OTOGL: variants seen among roughly 807,000 people sequenced by gnomAD.
OTOGL encodes otogelin like.
Under a neutral mutation model 318.5 loss-of-function variants are expected in OTOGL, and 285 were observed. The ratio of observed to expected loss-of-function variants is 0.89; its 90% confidence interval spans 0.81 to 0.99. The LOEUF is 0.99. Among genes scored for constraint, OTOGL ranks in the 50% least tolerant of loss-of-function variants. The probability of loss-of-function intolerance (pLI) is 0.00; values close to 1 mark genes in which losing one functional copy is unlikely to be tolerated. For synonymous variants in OTOGL, 987 were observed against 936.5 expected (o/e 1.05, Z -0.99); for missense variants, 2,899 against 2,845.6 (o/e 1.02, Z -0.43).
rs1299777561 is a variant in OTOGL at position 80,160,378 on chromosome 12, TCAAA to T, written c.-19-49030_-19-49027del. ...CTAATATCCAGAATCTGCAAGGAAC[TCAAA>T]CAAATTAGCAAGAAAAAAACAATCC... is the stretch of plus-strand genomic sequence containing the variant. On this transcript the variant is annotated intron_variant, in intron 1 of 58. Transcript: ENST00000547103. 5.3e-5 allele frequency among the ~76,000 whole-genome samples: 8 copies of T among 152,006 alleles called. No homozygotes were observed. In the East Asian group the frequency reaches 1.4e-3, roughly 26 times the overall value.
chr12:80,345,013 T>C lies in OTOGL; in HGVS notation c.5265+2851T>C, dbSNP rs567312438. 3.6e-5 allele frequency among the ~76,000 whole-genome samples: 5 copies of C among 139,994 alleles called. No homozygotes were observed. In the South Asian group the frequency reaches 1.1e-3, roughly 31 times the overall value. 91.8% of individuals were successfully genotyped at this position (139,994 alleles called of 152,430 possible). On this transcript the variant is annotated intron_variant, in intron 44 of 58. Coordinates refer to ENST00000547103, the MANE Select transcript of OTOGL (RefSeq NM_001378609.3). ...ATATATTATATTTTATATATTATTA[T>C]ATATTATATTTTATATATTATAACA...
intron 8 of OTOGL, 43 bp from the exon 9 acceptor site, chr12:80,232,849 A>G: frequency 6.8e-7 from 1 of 1,477,822 alleles, no homozygotes; most frequent in Non-Finnish European, 9.3e-7. Context: ...TGTAATTGAG[A>G]CTTTATCATC....
intron 32 of OTOGL, 98 bp downstream of exon 32, chr12:80,314,429 A>G (rs1019332156): frequency 7.8e-6 from 3 of 386,112 alleles, no homozygotes; most frequent in Non-Finnish European, 1.3e-5. Flanking sequence ...AACAAACTAT[A>G]AATAGTTCAT....
chr12:80,212,238 T>TA (rs760590630), intron 4 of OTOGL, among the ~76,000 whole-genome samples: 1 of 152,154 alleles, frequency 6.6e-6, no homozygotes, highest in Non-Finnish European at 1.5e-5. Flanking sequence ...TCAGCTCAGT[T>TA]ACCTACTAAT....
chr12:80,249,859 G>A lies in OTOGL; in HGVS notation c.1053-1834G>A, dbSNP rs186370093. Reference sequence around the variant, plus strand: ...CCCTCCGAGGCAGGTGTGGGATATAGTCTCGTGGTGCGCCGTTTTTTAAGC... The same window carrying A: ...CCCTCCGAGGCAGGTGTGGGATATAATCTCGTGGTGCGCCGTTTTTTAAGC... On this transcript the variant is annotated intron_variant, in intron 11 of 58. Transcript: ENST00000547103. Among the ~76,000 whole-genome samples the A allele has an allele frequency of 7.8e-4, 119 of 152,274 alleles. 1 individual carries two copies. The highest frequency in any genetic ancestry group is 6.8e-3 in the Middle Eastern group (2 of 294).
intron 44 of OTOGL, among the ~76,000 whole-genome samples, chr12:80,351,462 C>G (rs553195970): frequency 3.9e-5 from 6 of 152,024 alleles, no homozygotes; most frequent in African/African-American, 1.4e-4. Flanking sequence ...ATTACAGGCA[C>G]GCGCCACCAC....
chr12:80,252,888 C>T (rs1881697779), intron 13 of OTOGL, among the ~76,000 whole-genome samples: 2 of 152,154 alleles, frequency 1.3e-5, no homozygotes, highest in South Asian at 4.1e-4. Flanking sequence ...GCATTTGCAC[C>T]AGAATGTAAG....
At chr12:80,231,166 AT>A (rs1266056991) in intron 8 of OTOGL, among the ~76,000 whole-genome samples, 1 of 152,204 alleles carries the variant, frequency 6.6e-6, no homozygotes, top group Non-Finnish European at 1.5e-5. Context: ...TATAAACAAG[AT>A]TCACTTCTTT....
intron 1 of OTOGL, among the ~76,000 whole-genome samples, chr12:80,188,020 G>A (rs1875414305): frequency 6.6e-6 from 1 of 152,220 alleles, no homozygotes; most frequent in African/African-American, 2.4e-5. Context: ...CTCAGTGCCA[G>A]GAGTTGACAC....
chr12:80,152,220 C>G (rs1051008883), intron 1 of OTOGL, among the ~76,000 whole-genome samples: 7 of 152,026 alleles, frequency 4.6e-5, no homozygotes, highest in African/African-American at 9.7e-5. Flanking sequence ...AATACTGGCT[C>G]TTGGTGGTTG....
intron 25 of OTOGL, 30 bp from the exon 26 acceptor site, chr12:80,278,993 TCTTTA>T: frequency 1.9e-6 from 3 of 1,541,264 alleles, no homozygotes; most frequent in Non-Finnish European, 2.6e-6. Flanking sequence ...TAGAGTCGTT[TCTTTA>T]GAAAGGTAAC....
intron 53 of OTOGL, among the ~76,000 whole-genome samples, chr12:80,367,018 C>A (rs1218930767): frequency 1.3e-5 from 2 of 151,762 alleles, no homozygotes; most frequent in Non-Finnish European, 2.9e-5. Context: ...GCTCTGTTAC[C>A]CAGGCTGGAA....
intron 35 of OTOGL, 136 bp from the exon 36 acceptor site, chr12:80,328,529 G>A: frequency 1.5e-6 from 1 of 649,640 alleles, no homozygotes. Context: ...AGATGGAGCA[G>A]TTGTTAGTGC....
chr12:80,176,237 C>G (rs1874517748), intron 1 of OTOGL, among the ~76,000 whole-genome samples: 1 of 152,158 alleles, frequency 6.6e-6, no homozygotes, highest in Admixed American at 6.6e-5. Context: ...ATTTTTCAAA[C>G]AGTTTTATTG....
intron 1 of OTOGL, among the ~76,000 whole-genome samples, chr12:80,113,190 T>C (rs185914822): frequency 5.3e-5 from 8 of 152,290 alleles, no homozygotes; most frequent in Admixed American, 3.3e-4. Context: ...GTTAATCTTT[T>C]CAAAAAACCA....
At chr12:80,317,539 A>C (rs1887050435) in intron 32 of OTOGL, among the ~76,000 whole-genome samples, 1 of 152,148 alleles carries the variant, frequency 6.6e-6, no homozygotes. Context: ...TCAAGTCCTC[A>C]AGTTGTAGTT....
intron 1 of OTOGL, among the ~76,000 whole-genome samples, chr12:80,150,233 C>G (rs1432747004): frequency 6.6e-6 from 1 of 152,162 alleles, no homozygotes; most frequent in Non-Finnish European, 1.5e-5. Context: ...CCTCATTGAG[C>G]CAAACTTCTT....
At chr12:80,146,819 C>A (rs1178865565) in intron 1 of OTOGL, among the ~76,000 whole-genome samples, 1 of 151,386 alleles carries the variant, frequency 6.6e-6, no homozygotes, top group South Asian at 2.1e-4. Context: ...TTATCCATTT[C>A]TTCTAGATTT....
At chr12:80,345,354 G>T (rs745647742) in intron 44 of OTOGL, among the ~76,000 whole-genome samples, 3 of 150,824 alleles carry the variant, frequency 2.0e-5, no homozygotes, top group Non-Finnish European at 4.4e-5. Flanking sequence ...TCCTGCCTCA[G>T]CCTCCTGAGT....
Sources: allele counts gnomAD v4.1 joint callset (sites outside exome capture counted in the v4.1 genomes callset), GRCh38; gene constraint gnomAD v4.1.1; transcripts MANE v1.5; gene names NCBI Gene and HGNC (gene_info 2026-07-23, HGNC 2026-07-21).